The following APLP1 variants were observed in gnomAD, a reference collection of about 807,000 sequenced individuals.
APLP1 encodes the protein amyloid beta (A4) precursor-like protein 1.
Under a neutral mutation model 84.5 loss-of-function variants are expected in APLP1, and 46 were observed. The observed-to-expected ratio is 0.54, with a 90% CI of 0.43 to 0.70. The LOEUF (loss-of-function observed/expected upper bound fraction) is 0.70, where lower values mean the gene tolerates loss of function less well. Among genes scored for constraint, APLP1 ranks in the 30% least tolerant of loss-of-function variants. APLP1 has a pLI of 0.00. For synonymous variants in APLP1, 376 were observed against 364.0 expected, an observed-to-expected ratio of 1.03 and a Z score of -0.38; for missense variants, 826 against 900.2, an observed-to-expected ratio of 0.92 and a Z score of 1.05.
chr19:35,877,942 G>A (rs772687722), intron 12 of APLP1, 117 bp downstream of exon 12: 9 of 1,287,810 alleles, frequency 7.0e-6, no homozygotes, highest in Non-Finnish European at 8.7e-6. Context: ...AGAGGATGAG[G>A]AGGAACGTCT....
At chr19:35,877,964 G>A (rs1010764729) in intron 12 of APLP1, 118 bp from the exon 13 acceptor site, 14 of 1,324,072 alleles carry the variant, frequency 1.1e-5, no homozygotes, top group Middle Eastern at 1.9e-4. Context: ...AGGTTGCAGG[G>A]GCCTCTGTAG....
At chr19:35,870,754 A>G (rs1264515709) in intron 2 of APLP1, 142 bp from the exon 3 acceptor site, 1 of 1,231,276 alleles carries the variant, frequency 8.1e-7, no homozygotes, top group Non-Finnish European at 1.1e-6. Flanking sequence ...ATTCCACTCC[A>G]GCCTGGGCGA....
chr19:35,871,703 G>A lies in APLP1; in HGVS notation c.629G>A (p.Cys210Tyr). Reference protein sequence around the residue: ...DRFRGVEYVCCPPPGTPDPSG... With the variant: ...DRFRGVEYVCYPPPGTPDPSG... Reference sequence around the variant, plus strand: ...TTCCGTGGTGTGGAGTATGTGTGCTGTCCCCCTCCAGGGACCCCCGACCCA... The same window carrying A: ...TTCCGTGGTGTGGAGTATGTGTGCTATCCCCCTCCAGGGACCCCCGACCCA... The change falls in exon 5 of 17, where the codon TGT (cysteine) becomes TAT (tyrosine). Residue 210 changes from cysteine to tyrosine, a missense_variant. This residue lies in a region of APLP1 where 383 missense variants were observed against 378.3 expected (regional missense o/e 1.01). Coordinates refer to ENST00000221891, the MANE Select transcript of APLP1 (RefSeq NM_001024807.3). The A allele has an allele frequency of 6.2e-7, 1 of 1,614,040 alleles. No individual in the cohort carries two copies. The highest frequency in any genetic ancestry group is 8.5e-7 in the Non-Finnish European group (1 of 1,180,020).
At chr19:35,877,872 C>A in intron 12 of APLP1, 47 bp downstream of exon 12, 2 of 1,504,580 alleles carry the variant, frequency 1.3e-6, no homozygotes, top group Non-Finnish European at 1.8e-6. Flanking sequence ...GGGAACAGGC[C>A]CCAGCCTAAT....
In APLP1 at chr19:35,869,681, C is replaced by T. The variant is rs1974090966; in HGVS notation, c.162C>T (p.Ala54=). 3 of 1,611,232 alleles carry T rather than the reference C, an allele frequency of 1.9e-6. No individual in the cohort carries two copies. Among genetic ancestry groups the T allele is most frequent in the Non-Finnish European group, 2.5e-6 (3 of 1,179,060 alleles). ...SPGAAEAPGS[A]QVAGLCGRLT... is the part of the protein sequence containing the mutation. Reference sequence around the variant, plus strand: ...CTTCCATCCAGGCCCCGGGGTCGGCCCAGGTGGCTGGACTATGCGGGCGCC... The same window carrying T: ...CTTCCATCCAGGCCCCGGGGTCGGCTCAGGTGGCTGGACTATGCGGGCGCC... Residue 54 remains alanine, a synonymous_variant, in exon 2 of 17, where the codon GCC becomes GCT. Transcript: ENST00000221891.
chr19:35,879,088 A>T lies in APLP1; in HGVS notation c.1728A>T (p.Thr576=). ...TCTCCCTGCAGGCACCAGCTGGGAC[A>T]GGGGTGTCCCGTGAGGCTGTGTCGG... ...IQRDELAPAG[T]GVSREAVSGL... The change falls in exon 16 of 17, where the codon ACA becomes ACT. Residue 576 remains threonine, a synonymous_variant. Transcript: ENST00000221891. The T allele has an allele frequency of 6.2e-7, 1 of 1,612,274 alleles. No individual in the cohort carries two copies. Among genetic ancestry groups the T allele is most frequent in the Non-Finnish European group, 8.5e-7 (1 of 1,179,982 alleles).
chr19:35,870,910 G>A lies in APLP1; in HGVS notation c.306G>A (p.Leu102=), dbSNP rs763243943. 6.2e-7 allele frequency: 1 copy of A among 1,604,722 alleles called. No homozygotes were observed. Among genetic ancestry groups the A allele is most frequent in the Non-Finnish European group, 8.5e-7 (1 of 1,176,624 alleles). ...GATCCCCCCAGATGTACCCGGAGCT[G>A]CAGATTGCACGTGTGGAGCAGGCTA... ...LEYCRQMYPE[L]QIARVEQATQ... Residue 102 remains leucine (L), a synonymous_variant, in exon 3 of 17, where the codon CTG becomes CTA. Transcript: ENST00000221891.
rs1389940873 is a variant in APLP1, at chr19:35,877,840, A to G, written c.1552+15A>G. On this transcript the variant is annotated intron_variant, in intron 12 of 16. Transcript: ENST00000221891. Reference sequence around the variant, plus strand: ...TTCCAAGGATGGTGAGTGAGCCCACATATAGATGACCCCAGACATTAGGGA... The same window carrying G: ...TTCCAAGGATGGTGAGTGAGCCCACGTATAGATGACCCCAGACATTAGGGA... The G allele has an allele frequency of 6.3e-7, 1 of 1,595,420 alleles. No individual in the cohort carries two copies. Among genetic ancestry groups the G allele is most frequent in the Non-Finnish European group, 8.6e-7 (1 of 1,167,028 alleles).
chr19:35,876,602 T>C lies in APLP1; in HGVS notation c.1430T>C (p.Leu477Pro). 6.2e-7 allele frequency: 1 copy of C among 1,612,338 alleles called. No homozygotes were observed. The highest frequency in any genetic ancestry group is 8.5e-7 in the Non-Finnish European group (1 of 1,179,110). ...CAGAACCCCCACCTGGCTCAGGAGC[T>C]GCGGCCCCAAATCCGTGAGTGTCTA... ...LDQNPHLAQE[L>P]RPQIQELLHS... is the part of the protein sequence containing the mutation. The change falls in exon 11 of 17, where the codon CTG (leucine) becomes CCG (proline). Residue 477 changes from leucine (L) to proline (P), a missense_variant. This residue lies in a region of APLP1 where 433 missense variants were observed against 496.5 expected (regional missense o/e 0.87). Transcript: ENST00000221891.
At chr19:35,872,922 C>A (rs537372741) in intron 7 of APLP1, among the ~76,000 whole-genome samples, 3 of 150,986 alleles carry the variant, frequency 2.0e-5, no homozygotes, top group Non-Finnish European at 4.4e-5. Context: ...TGCAATGGTG[C>A]GATCTCGGCC....
Position 35,871,644 on chromosome 19 carries a change from C to T in APLP1, c.570C>T (p.Gly190=), listed in dbSNP as rs763574550. The T allele has an allele frequency of 7.4e-6, 12 of 1,613,894 alleles. No individual in the cohort carries two copies. The highest frequency in any genetic ancestry group is 1.0e-5 in the Non-Finnish European group (12 of 1,179,964). The stretch of plus-strand genomic sequence containing the variant: ...GCTCCCAGGGCCTCATCCTGCACGG[C>T]TCGGGCATGCTCTTACCCTGTGGCT... The part of the protein sequence containing the change: ...ACSSQGLILH[G]SGMLLPCGSD... The change falls in exon 5 of 17, where the codon GGC becomes GGT. Residue 190 remains glycine (G), a synonymous_variant. Transcript: ENST00000221891.
chr19:35,879,018 C>T, intron 15 of APLP1, 56 bp from the exon 16 acceptor site: 1 of 1,613,492 alleles, frequency 6.2e-7, no homozygotes, highest in Non-Finnish European at 8.5e-7. Context: ...GCTGTGATTC[C>T]CAAAGCCACA....
intron 14 of APLP1, 68 bp downstream of exon 14, chr19:35,878,722 G>A: frequency 3.8e-6 from 6 of 1,582,054 alleles, no homozygotes; most frequent in Non-Finnish European, 5.2e-6. Flanking sequence ...TGGGTACGAG[G>A]GAGGAGATGC....
Position 35,870,863 on chromosome 19 carries a change from A to G in APLP1, c.292-33A>G, listed in dbSNP as rs1358228913. 6.9e-6 allele frequency: 11 copies of G among 1,590,986 alleles called. 1 individual carries two copies. In the South Asian group the frequency reaches 1.3e-4, roughly 18 times the overall value. On this transcript the variant is annotated intron_variant, in intron 2 of 16. Coordinates refer to ENST00000221891, the MANE Select transcript of APLP1 (RefSeq NM_001024807.3). ...GAGGGGTGGCTGGCAGGGGCGGGGC[A>G]GTGGGCTGATTGCCCCCATCTGATC...
At chr19:35,877,693 C>T in intron 11 of APLP1, 25 bp from the exon 12 acceptor site, 1 of 1,575,022 alleles carries the variant, frequency 6.3e-7, no homozygotes, top group Non-Finnish European at 8.7e-7. Flanking sequence ...ACTACCTCAG[C>T]CACCTTTCTG....
chr19:35,878,905 C>T lies in APLP1; in HGVS notation c.1666C>T (p.Pro556Ser). The stretch of plus-strand genomic sequence containing the variant: ...GCTCCCCCAGGTGAATGCGTCTGTT[C>T]CAAGGGGTTTCCCTTTCCACTCATC... ...QYERKVNASV[P>S]RGFPFHSSEI... The change falls in exon 15 of 17, where the codon CCA becomes TCA. Residue 556 changes from proline to serine, a missense_variant. Pro to Ser is a moderately conservative substitution (Grantham distance 74, BLOSUM62 -1). Coordinates refer to ENST00000221891, the MANE Select transcript of APLP1 (RefSeq NM_001024807.3). The T allele has an allele frequency of 6.2e-7, 1 of 1,614,092 alleles. No homozygotes were observed. Among genetic ancestry groups the T allele is most frequent in the Non-Finnish European group, 8.5e-7 (1 of 1,180,012 alleles).
At chr19:35,871,049 G>A (rs1488301431) in intron 3 of APLP1, 21 bp downstream of exon 3, 2 of 1,506,132 alleles carry the variant, frequency 1.3e-6, no homozygotes, top group East Asian at 2.4e-5. Context: ...GGCGGGGAGA[G>A]GGGAACTGAG....
In APLP1 at chr19:35,874,878, AT is replaced by A; in HGVS notation, c.1344+10del. ...AGCAGATGCGCTTCCAGGTGCTCACATCCTTCCAGCTCCCAAATGCGCCGCT... is the reference window on the plus strand; with the variant it reads ...AGCAGATGCGCTTCCAGGTGCTCACACCTTCCAGCTCCCAAATGCGCCGCT... On this transcript the variant is annotated intron_variant, in intron 10 of 16. Transcript: ENST00000221891. The surrounding 1 kb of genome is among the most constrained non-coding windows in gnomAD (Gnocchi z 6.4). 6.2e-7 allele frequency: 1 copy of A among 1,605,772 alleles called. No individual in the cohort carries two copies.
intron 6 of APLP1, 125 bp downstream of exon 6, chr19:35,872,161 G>A (rs1280784075): frequency 4.0e-6 from 5 of 1,243,008 alleles, no homozygotes; most frequent in South Asian, 1.5e-5. Flanking sequence ...GAGAAAAGAC[G>A]AGAGTATCTT....
Sources: allele counts gnomAD v4.1 joint callset (sites outside exome capture counted in the v4.1 genomes callset), GRCh38; gene constraint gnomAD v4.1.1; regional missense constraint gnomAD v4.1.1; non-coding constraint Gnocchi (gnomAD v3.1); transcripts MANE v1.5; gene names NCBI Gene and HGNC (gene_info 2026-07-23, HGNC 2026-07-21).